MYNN: variants seen among roughly 807,000 people sequenced by gnomAD.
MYNN encodes the protein zinc finger and BTB domain-containing protein 31.
MYNN carries 22 observed loss-of-function variants against 57.2 expected under a neutral mutation model. That is an observed-to-expected ratio of 0.38 (90% CI 0.27 to 0.55). The LOEUF (loss-of-function observed/expected upper bound fraction) is 0.55. Ranked by LOEUF, MYNN falls within the 20% of genes least tolerant of loss-of-function variation. The pLI is 0.71. For missense variants in MYNN, 566 were observed against 723.1 expected (o/e 0.78, Z 2.49); for synonymous variants, 241 against 257.1 (o/e 0.94, Z 0.60).
In MYNN at chr3:169,774,518, A is replaced by C; in HGVS notation, c.223A>C (p.Lys75Gln). The change falls in exon 2 of 8, where the codon AAA becomes CAA. Residue 75 changes from lysine to glutamine, a missense_variant. Coordinates refer to ENST00000349841, the MANE Select transcript of MYNN (RefSeq NM_018657.5). ...TCAGGTGAAGGCTGATGGATTTCAG[A>C]AACTGTTGGAGTTTATATACACAGG... ...QSQVKADGFQ[K>Q]LLEFIYTGTL... 2 of 1,614,064 alleles carry C rather than the reference A, an allele frequency of 1.2e-6. No individual in the cohort carries two copies. The highest frequency in any genetic ancestry group is 1.7e-6 in the Non-Finnish European group (2 of 1,179,986).
At chr3:169,781,668 GA>G (rs1318373018) in intron 4 of MYNN, among the ~76,000 whole-genome samples, 1 of 152,214 alleles carries the variant, frequency 6.6e-6, no homozygotes, top group Non-Finnish European at 1.5e-5. Context: ...AATCCCAAGT[GA>G]AGGAAGTTAT....
intron 4 of MYNN, among the ~76,000 whole-genome samples, chr3:169,781,501 A>G (rs1778515225): frequency 1.3e-5 from 2 of 152,230 alleles, no homozygotes; most frequent in South Asian, 4.1e-4. Context: ...AACCCTGGCT[A>G]AGGTCACCAA....
intron 3 of MYNN, chr3:169,780,346 C>T: frequency 3.2e-6 from 1 of 309,206 alleles, no homozygotes; most frequent in East Asian, 5.9e-5. Context: ...GCGTGAGCCA[C>T]CGAGCCCAGC....
intron 3 of MYNN, chr3:169,779,832 C>A: frequency 2.3e-6 from 1 of 428,844 alleles, no homozygotes; most frequent in Non-Finnish European, 4.2e-6. Flanking sequence ...TTAACAGAGA[C>A]AAAGACATTA....
intron 2 of MYNN, among the ~76,000 whole-genome samples, chr3:169,775,173 T>C (rs1778297726): frequency 6.6e-6 from 1 of 152,212 alleles, no homozygotes. Flanking sequence ...CCAGTACTAA[T>C]ACTGAAGTAA....
At chr3:169,777,131 C>T (rs1316394812) in intron 2 of MYNN, 4 of 152,050 alleles carry the variant, frequency 2.6e-5, no homozygotes, top group African/African-American at 4.8e-5. Flanking sequence ...GCCCAAAAGA[C>T]AATTTTTAGA....
At position 169,782,416 on chromosome 3, in the gene MYNN, T is replaced by A. The variant is rs575944237; in HGVS notation, c.1221-49T>A. The A allele has an allele frequency of 1.9e-5, 29 of 1,502,734 alleles. No individual in the cohort carries two copies. The highest frequency in any genetic ancestry group is 2.6e-5 in the Non-Finnish European group (29 of 1,099,946). The allele number at this position is 1,502,734 out of a possible 1,614,324, so 93.1% of individuals were successfully genotyped here. ...AAAAACTTTATGAATTCTTGCTATA[T>A]AGACTGACCTCCAAATTGTTTTACT... On this transcript the variant is annotated intron_variant, in intron 4 of 7. Coordinates refer to ENST00000349841, the MANE Select transcript of MYNN (RefSeq NM_018657.5). The surrounding 1 kb of genome is among the most constrained non-coding windows in gnomAD (Gnocchi z 4.8).
At chr3:169,786,109 GAGAT>G (rs1421097067) in intron 7 of MYNN, among the ~76,000 whole-genome samples, 9 of 152,050 alleles carry the variant, frequency 5.9e-5, no homozygotes, top group African/African-American at 2.2e-4. Flanking sequence ...GGCAATAAGA[GAGAT>G]AGATGCCACA....
intron 2 of MYNN, among the ~76,000 whole-genome samples, chr3:169,775,349 G>A (rs1166620915): frequency 6.6e-6 from 1 of 152,106 alleles, no homozygotes; most frequent in Non-Finnish European, 1.5e-5. Flanking sequence ...AGGGGAAAAG[G>A]TGGAGGGAAT....
chr3:169,779,704 G>A, intron 3 of MYNN, 143 bp downstream of exon 3: 1 of 853,154 alleles, frequency 1.2e-6, no homozygotes, highest in Non-Finnish European at 1.7e-6. Flanking sequence ...GTGTTAAACT[G>A]TTGAAAATTT....
At chr3:169,781,721 G>A (rs1424068726) in intron 4 of MYNN, among the ~76,000 whole-genome samples, 3 of 152,168 alleles carry the variant, frequency 2.0e-5, no homozygotes, top group African/African-American at 7.2e-5. Context: ...GTGATAGGGA[G>A]ATGAAGACTG....
At chr3:169,786,107 G>A (rs1172557714) in intron 7 of MYNN, among the ~76,000 whole-genome samples, 1 of 152,042 alleles carries the variant, frequency 6.6e-6, no homozygotes, top group Non-Finnish European at 1.5e-5. Context: ...ATGGCAATAA[G>A]AGAGATAGAT....
Position 169,783,608 on chromosome 3 carries a change from T to C in MYNN, c.1483+48T>C. ...TTATTTTTTGTTCTCTCTTAATTTC[T>C]TTTTATGTAAACCTTGACTTTTAAG... is the stretch of plus-strand genomic sequence containing the variant. On this transcript the variant is annotated intron_variant, in intron 6 of 7. Coordinates refer to ENST00000349841, the MANE Select transcript of MYNN (RefSeq NM_018657.5). The C allele has an allele frequency of 2.3e-6, 3 of 1,328,026 alleles. No individual in the cohort carries two copies. The South Asian group carries it at 3.6e-5, about 16-fold the overall frequency. The allele number at this position is 1,328,026 out of a possible 1,614,324, so 82.3% of individuals were successfully genotyped here. A position where few individuals can be genotyped will look rare whatever the true frequency, so the allele number is the denominator to read the frequency against.
chr3:169,778,223 A>T (rs945639647), intron 2 of MYNN: 1 of 153,142 alleles, frequency 6.5e-6, no homozygotes, highest in African/African-American at 2.4e-5. Flanking sequence ...AACAGAAAAA[A>T]AATGCAGAAT....
rs748768940 is a variant in MYNN, at chr3:169,779,368, CG to C, written c.871del (p.Glu291LysfsTer27). On this transcript the variant is annotated frameshift_variant, in exon 3 of 8. Coordinates refer to ENST00000349841, the MANE Select transcript of MYNN (RefSeq NM_018657.5). LOFTEE classifies it high-confidence loss of function. ...AGAGTCCTTATGAGGCGGAGAACTC[CG>C]GGGAAGAGCTGGATCAGAGGTATTC... is the stretch of plus-strand genomic sequence containing the variant. ...VKSPYEAENS[G>X]EELDQRYSKA... 2.5e-6 allele frequency: 4 copies of C among 1,614,040 alleles called. No homozygotes were observed. The highest frequency in any genetic ancestry group is 3.4e-6 in the Non-Finnish European group (4 of 1,180,040).
chr3:169,782,569 C>G lies in MYNN; in HGVS notation c.1325C>G (p.Pro442Arg). The change falls in exon 5 of 8, where the codon CCT becomes CGT. Residue 442 changes from proline to arginine, a missense_variant. Physicochemically the swap from Pro to Arg is moderately radical, Grantham distance 103 (BLOSUM62 -2). Transcript: ENST00000349841. This position sits in a 1 kb window ranked among gnomAD's most constrained non-coding sequence, Gnocchi z 4.8. ...YHVRRHTGEK[P>R]YVCDTCGKAF... ...GTCCGTAGGCATACTGGAGAAAAGC[C>G]TTATGTATGTGATACCTGTGGGAAG... The G allele has an allele frequency of 6.2e-7, 1 of 1,613,956 alleles. No individual in the cohort carries two copies. The highest frequency in any genetic ancestry group is 1.1e-5 in the South Asian group (1 of 91,074).
At chr3:169,777,111 T>C (rs1171567253) in intron 2 of MYNN, 1 of 152,178 alleles carries the variant, frequency 6.6e-6, no homozygotes, top group African/African-American at 2.4e-5. Context: ...AGATCTTTTT[T>C]AGTGGCCCAG....
At chr3:169,784,735 T>C (rs1310918330) in intron 7 of MYNN, 27 bp downstream of exon 7, 2 of 1,430,414 alleles carry the variant, frequency 1.4e-6, no homozygotes, top group Non-Finnish European at 1.9e-6. Context: ...TGTTTGCTTG[T>C]TTGTTTGTTT....
At chr3:169,777,635 G>A (rs1193738749) in intron 2 of MYNN, 1 of 152,172 alleles carries the variant, frequency 6.6e-6, no homozygotes, top group East Asian at 1.9e-4. Flanking sequence ...TAATGCCAGA[G>A]CCAGTGCTAG....
Sources: gnomAD v4.1 joint callset for allele counts (sites outside exome capture counted in the v4.1 genomes callset) on GRCh38, gnomAD v4.1.1 for gene constraint, Gnocchi (gnomAD v3.1) non-coding constraint, MANE v1.5 for transcripts, NCBI Gene and HGNC (gene_info 2026-07-23, HGNC 2026-07-21) for gene names.